The following VANGL1 variants were observed in gnomAD, a reference collection of about 807,000 sequenced individuals.
The protein encoded by VANGL1 is vang-like protein 1.
A neutral mutation model predicts 48.4 loss-of-function variants in VANGL1; 18 were observed. The ratio of observed to expected loss-of-function variants is 0.37; its 90% CI spans 0.26 to 0.55. The LOEUF (loss-of-function observed/expected upper bound fraction) is 0.55. VANGL1 is among the 20% of genes least tolerant of loss of function. VANGL1 has a pLI of 0.81. For missense variants in VANGL1, 667 were observed against 675.8 expected, an observed-to-expected ratio of 0.99 and a Z score of 0.14; for synonymous variants, 257 against 261.8, an observed-to-expected ratio of 0.98 and a Z score of 0.18.
chr1:115,672,861 A>G (rs1171416379), intron 4 of VANGL1, among the ~76,000 whole-genome samples: 2 of 152,190 alleles, frequency 1.3e-5, no homozygotes, highest in Non-Finnish European at 2.9e-5. Context: ...GGACTCACAC[A>G]AATATTGCCA....
intron 1 of VANGL1, among the ~76,000 whole-genome samples, chr1:115,650,448 G>A (rs2101302153): frequency 6.6e-6 from 1 of 152,262 alleles, no homozygotes; most frequent in African/African-American, 2.4e-5. Flanking sequence ...GAAAATGTGG[G>A]AGAAGACCCA....
chr1:115,685,504 A>G lies in VANGL1; in HGVS notation c.1291A>G (p.Ile431Val), dbSNP rs1247446086. ...ESILQHLAFCITNGMTPKAFL... is the reference protein window; with the variant it reads ...ESILQHLAFCVTNGMTPKAFL... ...CATCCTGCAGCACCTGGCCTTCTGC[A>G]TCACCAACGGCATGACCCCCAAGGT... Residue 431 changes from isoleucine to valine, a missense_variant, in exon 7 of 8, where the codon ATC (isoleucine) becomes GTC (valine). Coordinates refer to ENST00000355485, the MANE Select transcript of VANGL1 (RefSeq NM_138959.3). 3.1e-6 allele frequency: 5 copies of G among 1,614,096 alleles called. No homozygotes were observed. Among genetic ancestry groups the G allele is most frequent in the Admixed American group, 1.7e-5 (1 of 60,010 alleles).
At chr1:115,659,800 A>T in intron 3 of VANGL1, 27 bp downstream of exon 3, 1 of 1,614,104 alleles carries the variant, frequency 6.2e-7, no homozygotes, top group Non-Finnish European at 8.5e-7. Flanking sequence ...GTCTGTAAGC[A>T]CACTGCCACT....
At chr1:115,685,900 G>T (rs913242557) in intron 7 of VANGL1, among the ~76,000 whole-genome samples, 1 of 152,052 alleles carries the variant, frequency 6.6e-6, no homozygotes, top group Non-Finnish European at 1.5e-5. Context: ...ATAGCTCTGT[G>T]CCTCAGTTTC....
At chr1:115,672,148 G>A (rs1287341031) in intron 4 of VANGL1, among the ~76,000 whole-genome samples, 2 of 152,176 alleles carry the variant, frequency 1.3e-5, no homozygotes, top group Non-Finnish European at 1.5e-5. Flanking sequence ...GGGACTCATG[G>A]AGAAGTGCTC....
intron 1 of VANGL1, chr1:115,642,731 C>CG (rs1651782858): frequency 6.6e-6 from 1 of 152,196 alleles, no homozygotes; most frequent in Non-Finnish European, 1.5e-5. Flanking sequence ...TCAAAAACGC[C>CG]GGGGTGGAGC....
intron 4 of VANGL1, among the ~76,000 whole-genome samples, chr1:115,671,743 A>C (rs900402569): frequency 1.3e-5 from 2 of 152,150 alleles, no homozygotes; most frequent in East Asian, 1.9e-4. Flanking sequence ...GCCGCGGCCT[A>C]CAAGCAGGGC....
At chr1:115,661,872 C>A (rs1652570858) in intron 3 of VANGL1, among the ~76,000 whole-genome samples, 1 of 152,174 alleles carries the variant, frequency 6.6e-6, no homozygotes, top group African/African-American at 2.4e-5. Context: ...CCTGCCTTGG[C>A]CTCCCAAAGT....
At position 115,663,779 on chromosome 1, in the gene VANGL1, A is replaced by G. The variant is rs141673853; in HGVS notation, c.323A>G (p.Lys108Arg). ...GAGGACAGCGTGGGGCTGGATTGCA[A>G]ACGCTACCTGGGCCTCACCGTCGCC... is the stretch of plus-strand genomic sequence containing the variant. ...DMEDSVGLDC[K>R]RYLGLTVASF... The change falls in exon 4 of 8, where the codon AAA becomes AGA. Residue 108 changes from lysine to arginine, a missense_variant. Lys to Arg is a conservative substitution (Grantham distance 26). Coordinates refer to ENST00000355485, the MANE Select transcript of VANGL1 (RefSeq NM_138959.3). The G allele has an allele frequency of 1.4e-3, 2,239 of 1,614,166 alleles. 4 individuals are homozygous for G. Among genetic ancestry groups the G allele is most frequent in the Admixed American group, 3.2e-3 (191 of 60,026 alleles).
chr1:115,677,008 C>A (rs1031829547), intron 4 of VANGL1, among the ~76,000 whole-genome samples: 2 of 152,222 alleles, frequency 1.3e-5, no homozygotes, highest in South Asian at 4.1e-4. Flanking sequence ...AGCCTGGAGT[C>A]ATGTTGTCTG....
intron 7 of VANGL1, among the ~76,000 whole-genome samples, chr1:115,688,228 A>G (rs1177307598): frequency 7.2e-6 from 1 of 138,266 alleles, no homozygotes; most frequent in Non-Finnish European, 1.6e-5. Context: ...TACAGATATA[A>G]CTACAGATAT....
At chr1:115,681,123 C>T (rs1345393177) in intron 4 of VANGL1, among the ~76,000 whole-genome samples, 1 of 152,050 alleles carries the variant, frequency 6.6e-6, no homozygotes, top group East Asian at 1.9e-4. Flanking sequence ...GATTTTTGAG[C>T]CTCAGTTTTC....
chr1:115,649,839 G>T (rs2101300694), intron 1 of VANGL1, among the ~76,000 whole-genome samples: 1 of 152,290 alleles, frequency 6.6e-6, no homozygotes, highest in Admixed American at 6.5e-5. Context: ...GGAAACTGAG[G>T]CATAAGAAAG....
intron 6 of VANGL1, 106 bp downstream of exon 6, chr1:115,684,182 A>G (rs1653506906): frequency 1.2e-5 from 14 of 1,196,166 alleles, no homozygotes; most frequent in South Asian, 1.8e-5. Context: ...TCTGTTGCCC[A>G]GGCTGGAGTG....
chr1:115,663,351 T>C (rs1221998504), intron 3 of VANGL1, among the ~76,000 whole-genome samples: 2 of 152,196 alleles, frequency 1.3e-5, no homozygotes, highest in Non-Finnish European at 2.9e-5. Flanking sequence ...CTCCAGGCCC[T>C]CAGAGCTGCT....
In VANGL1 at chr1:115,651,343, GTAGGTGAAATTTTC is replaced by G; in HGVS notation, c.-68_-55del. 1 of 1,384,454 alleles carries G rather than the reference GTAGGTGAAATTTTC, an allele frequency of 7.2e-7. No homozygotes were observed. 85.8% of individuals were successfully genotyped at this position (1,384,454 alleles called of 1,614,324 possible). ...GACTCCTTGAGGTTTTAGGAGTCTG[GTAGGTGAAATTTTC>G]TACCTCTAAGGAGAAACAGTACCTG... is the stretch of plus-strand genomic sequence containing the variant. On this transcript the variant is annotated 5_prime_UTR_variant, in exon 2 of 8. Coordinates refer to ENST00000355485, the MANE Select transcript of VANGL1 (RefSeq NM_138959.3).
At chr1:115,680,570 T>C (rs1285911836) in intron 4 of VANGL1, among the ~76,000 whole-genome samples, 2 of 152,240 alleles carry the variant, frequency 1.3e-5, no homozygotes, top group Non-Finnish European at 2.9e-5. Flanking sequence ...CTCACATGAC[T>C]GTACATTATC....
chr1:115,652,408 C>T (rs935087013), intron 2 of VANGL1, among the ~76,000 whole-genome samples: 5 of 152,184 alleles, frequency 3.3e-5, no homozygotes, highest in African/African-American at 9.7e-5. Context: ...TAGAATTGTA[C>T]TTGGTGAAAT....
chr1:115,655,104 G>C (rs1465176213), intron 2 of VANGL1, among the ~76,000 whole-genome samples: 1 of 152,212 alleles, frequency 6.6e-6, no homozygotes, highest in East Asian at 1.9e-4. Flanking sequence ...CAGAGTCTGT[G>C]TGTCCTGCGC....
Sources: allele counts gnomAD v4.1 joint callset (sites outside exome capture counted in the v4.1 genomes callset), GRCh38; gene constraint gnomAD v4.1.1; transcripts MANE v1.5; gene names NCBI Gene and HGNC (gene_info 2026-07-23, HGNC 2026-07-21).